The following NDC1 variants were observed in gnomAD, a reference collection of about 807,000 sequenced individuals.
NDC1 encodes the protein nucleoporin NDC1.
In NDC1, 24 loss-of-function variants were observed where a neutral mutation model predicts 89.8. That is an observed-to-expected ratio of 0.27 (90% CI 0.19 to 0.38). The LOEUF (loss-of-function observed/expected upper bound fraction) is 0.38, where lower values mean the gene tolerates loss of function less well. NDC1 is among the 10% of genes least tolerant of loss of function. The pLI, the probability that NDC1 is intolerant of heterozygous loss-of-function variation, is 1.00. For missense variants in NDC1, 728 were observed against 797.6 expected, an observed-to-expected ratio of 0.91 and a Z score of 1.05; for synonymous variants, 296 against 284.8, an observed-to-expected ratio of 1.04 and a Z score of -0.39.
Position 53,838,250 on chromosome 1 carries a change from G to T in NDC1, c.12C>A (p.Ala4=). ...ACCTGCCGGCGCAGGGCCGGCTCAC[G>T]GCCGTGGCCATGGAGATGGCGGCCC... MAT[A]VSRPCAGRSR... Residue 4 remains alanine, a synonymous_variant, in exon 1 of 18, where the codon GCC becomes GCA. Transcript: ENST00000371429. 1 of 1,537,008 alleles carries T rather than the reference G, an allele frequency of 6.5e-7. No homozygotes were observed. The highest frequency in any genetic ancestry group is 8.7e-7 in the Non-Finnish European group (1 of 1,145,676).
At chr1:53,798,150 A>ATTG (rs1570189267) in intron 11 of NDC1, among the ~76,000 whole-genome samples, 1 of 144,016 alleles carries the variant, frequency 6.9e-6, no homozygotes, top group African/African-American at 2.5e-5. Context: ...TATTATTATT[A>ATTG]TTATTATTAT....
At chr1:53,804,545 C>T (rs978072319) in intron 9 of NDC1, among the ~76,000 whole-genome samples, 1 of 152,070 alleles carries the variant, frequency 6.6e-6, no homozygotes, top group Non-Finnish European at 1.5e-5. Flanking sequence ...GATGTGATCT[C>T]GGCTCACTGC....
At chr1:53,772,688 TA>T (rs1647126342) in intron 16 of NDC1, among the ~76,000 whole-genome samples, 199 bp from the exon 17 acceptor site, 1 of 149,370 alleles carries the variant, frequency 6.7e-6, no homozygotes, top group Non-Finnish European at 1.5e-5. Context: ...TAACATAACA[TA>T]ACATAACATA....
At chr1:53,834,966 G>GGCGTGGTGGC (rs1649181919) in intron 2 of NDC1, among the ~76,000 whole-genome samples, 1 of 123,558 alleles carries the variant, frequency 8.1e-6, no homozygotes, top group South Asian at 2.1e-4. Flanking sequence ...AAATCAGCCG[G>GGCGTGGTGGC]GCGTGGTGGC....
intron 5 of NDC1, among the ~76,000 whole-genome samples, chr1:53,822,281 C>G (rs1327694986): frequency 6.6e-6 from 1 of 152,078 alleles, no homozygotes; most frequent in East Asian, 1.9e-4. Context: ...TTGCAGTGAG[C>G]CGGGACTGTG....
intron 13 of NDC1, 151 bp from the exon 14 acceptor site, chr1:53,793,430 C>T (rs186481777): frequency 1.1e-5 from 7 of 661,360 alleles, no homozygotes; most frequent in East Asian, 2.6e-5. Context: ...TTAAACAATA[C>T]GCCATGTAAC....
chr1:53,772,786 A>C lies in NDC1; in HGVS notation c.1801-297T>G, dbSNP rs1647128694. ...ATAAAAAATTAAAAAGAAAAAAGTC[A>C]CTTCAGTCCAAAGAATTAAGATTTG... is the stretch of plus-strand genomic sequence containing the variant. On this transcript the variant is annotated intron_variant, in intron 16 of 17. Transcript: ENST00000371429. Among the ~76,000 whole-genome samples, 3 of 152,142 alleles carry C rather than the reference A, an allele frequency of 2.0e-5. No homozygotes were observed. The South Asian group carries it at 6.2e-4, about 31-fold the overall frequency.
At chr1:53,786,929 C>T (rs941659677) in intron 16 of NDC1, among the ~76,000 whole-genome samples, 2 of 152,194 alleles carry the variant, frequency 1.3e-5, no homozygotes, top group Non-Finnish European at 2.9e-5. Context: ...CTCTCCACCT[C>T]AAGCGACCCT....
intron 16 of NDC1, among the ~76,000 whole-genome samples, chr1:53,776,112 G>T (rs1034839162): frequency 1.3e-5 from 2 of 151,966 alleles, no homozygotes; most frequent in African/African-American, 4.8e-5. Flanking sequence ...GCACCACCAT[G>T]CCCAGCTAAT....
chr1:53,828,223 T>A, intron 3 of NDC1, 50 bp from the exon 4 acceptor site: 5 of 1,547,064 alleles, frequency 3.2e-6, no homozygotes, highest in Non-Finnish European at 4.4e-6. Flanking sequence ...GCATATGCAG[T>A]TAGAGGATCT....
At chr1:53,805,103 A>G (rs1038202504) in intron 9 of NDC1, among the ~76,000 whole-genome samples, 25 of 152,166 alleles carry the variant, frequency 1.6e-4, no homozygotes, top group Non-Finnish European at 2.8e-4. Flanking sequence ...TAATATTTAA[A>G]AGTAATTCTA....
At chr1:53,768,340 T>C (rs1358673501) in intron 17 of NDC1, among the ~76,000 whole-genome samples, 2 of 152,172 alleles carry the variant, frequency 1.3e-5, no homozygotes, top group Non-Finnish European at 2.9e-5. Context: ...TTGGAGTAGA[T>C]TTTCTGGATT....
intron 9 of NDC1, among the ~76,000 whole-genome samples, chr1:53,805,943 G>A (rs1429269916): frequency 2.0e-5 from 3 of 152,166 alleles, no homozygotes; most frequent in Admixed American, 6.5e-5. Flanking sequence ...GCGTGGTAGC[G>A]GGCGCCTGTA....
At chr1:53,828,594 T>TATTTATTTTATTTTA (rs1648952474) in intron 3 of NDC1, among the ~76,000 whole-genome samples, 1 of 151,478 alleles carries the variant, frequency 6.6e-6, no homozygotes. Context: ...TTTATTTATT[T>TATTTATTTTATTTTA]ATTTATTTTA....
intron 17 of NDC1, 79 bp from the exon 18 acceptor site, chr1:53,768,112 TA>T: frequency 1.2e-6 from 1 of 844,890 alleles, no homozygotes; most frequent in Non-Finnish European, 1.8e-6. Flanking sequence ...ACAGAGACAA[TA>T]TTTTTCAAAA....
chr1:53,772,199 A>C, intron 17 of NDC1, 130 bp downstream of exon 17: 1 of 787,786 alleles, frequency 1.3e-6, no homozygotes, highest in South Asian at 2.5e-5. Context: ...CCAAGCTGTA[A>C]GTTTACAGTG....
At chr1:53,805,398 G>A (rs981579271) in intron 9 of NDC1, among the ~76,000 whole-genome samples, 1 of 152,116 alleles carries the variant, frequency 6.6e-6, no homozygotes, top group Non-Finnish European at 1.5e-5. Flanking sequence ...TTGAGATGAG[G>A]TCTCCCTATG....
chr1:53,776,708 T>C (rs1302970402), intron 16 of NDC1, among the ~76,000 whole-genome samples: 1 of 152,188 alleles, frequency 6.6e-6, no homozygotes, highest in African/African-American at 2.4e-5. Flanking sequence ...CTTTACCATG[T>C]GGACAGAAAA....
intron 5 of NDC1, among the ~76,000 whole-genome samples, chr1:53,825,497 A>G (rs537127006): frequency 6.6e-6 from 1 of 151,586 alleles, no homozygotes; most frequent in Non-Finnish European, 1.5e-5. Flanking sequence ...GAATGTCATC[A>G]TCATCTTCCC....
Sources: allele counts gnomAD v4.1 joint callset (sites outside exome capture counted in the v4.1 genomes callset), GRCh38; gene constraint gnomAD v4.1.1; transcripts MANE v1.5; gene names NCBI Gene and HGNC (gene_info 2026-07-23, HGNC 2026-07-21).